AMOTL1: variants seen among roughly 807,000 people sequenced by gnomAD.
The protein encoded by AMOTL1 is angiomotin-like protein 1.
A neutral mutation model predicts 102.9 loss-of-function variants in AMOTL1; 45 were observed. The ratio of observed to expected loss-of-function variants is 0.44; its 90% CI spans 0.34 to 0.56. The LOEUF is 0.56. Ranked by LOEUF, AMOTL1 falls within the 20% of genes least tolerant of loss-of-function variation. The pLI is 0.01. For missense variants in AMOTL1, 1,114 were observed against 1,225.6 expected (o/e 0.91, Z 1.36); for synonymous variants, 481 against 484.7 (o/e 0.99, Z 0.10).
At position 94,866,106 on chromosome 11, in the gene AMOTL1, C is replaced by T. The variant is rs752636370; in HGVS notation, c.2426C>T (p.Ser809Phe). The change falls in exon 11 of 13, where the codon TCT (serine) becomes TTT (phenylalanine). Residue 809 changes from serine (S) to phenylalanine (F), a missense_variant. By Grantham distance (155) the Ser-to-Phe change is radical. Coordinates refer to ENST00000433060, the MANE Select transcript of AMOTL1 (RefSeq NM_130847.3). ...ACTGGGACACACTCTCGCCAGACCT[C>T]TCTTACCAGCAGCCAGCTGGCTGAG... ...AATGTHSRQT[S>F]LTSSQLAEEK... is the part of the protein sequence containing the mutation. 1.9e-6 allele frequency: 3 copies of T among 1,614,014 alleles called. No homozygotes were observed. The highest frequency in any genetic ancestry group is 2.2e-5 in the South Asian group (2 of 91,080).
At chr11:94,838,162 C>T (rs953940941) in intron 6 of AMOTL1, among the ~76,000 whole-genome samples, 2 of 152,160 alleles carry the variant, frequency 1.3e-5, no homozygotes, top group African/African-American at 4.8e-5. Context: ...TTTGGATAAT[C>T]CTTTTCTATC....
At chr11:94,770,946 G>A (rs1317341499) in intron 1 of AMOTL1, among the ~76,000 whole-genome samples, 1 of 152,154 alleles carries the variant, frequency 6.6e-6, no homozygotes, top group Non-Finnish European at 1.5e-5. Context: ...CCAGGGCCTA[G>A]GGAAAAGATG....
At chr11:94,719,895 A>C (rs916849283) in intron 1 of AMOTL1, among the ~76,000 whole-genome samples, 1 of 152,098 alleles carries the variant, frequency 6.6e-6, no homozygotes, top group Non-Finnish European at 1.5e-5. Context: ...GATTTTTAAG[A>C]AATACGGGCA....
chr11:94,795,261 G>T, intron 2 of AMOTL1, 101 bp downstream of exon 2: 1 of 1,409,282 alleles, frequency 7.1e-7, no homozygotes, highest in Non-Finnish European at 9.7e-7. Context: ...CTCTAATCTT[G>T]TTTTTTAAAT....
chr11:94,874,051 G>A lies in AMOTL1; in HGVS notation c.*3256G>A, dbSNP rs1042381533. 2.6e-5 allele frequency: 4 copies of A among 152,194 alleles called. No individual in the cohort carries two copies. The highest frequency in any genetic ancestry group is 4.8e-5 in the African/African-American group (2 of 41,430). 9.4% of individuals were successfully genotyped at this position (152,194 alleles called of 1,614,324 possible). On this transcript the variant is annotated 3_prime_UTR_variant, in exon 13 of 13. Coordinates refer to ENST00000433060, the MANE Select transcript of AMOTL1 (RefSeq NM_130847.3). The stretch of plus-strand genomic sequence containing the variant: ...TGAAGGGGAGAGGCCCTGGCTTCAC[G>A]GGAAGGTATTCCAGCATTGTTCTGC...
At chr11:94,845,437 A>G (rs555059392) in intron 6 of AMOTL1, among the ~76,000 whole-genome samples, 30 of 152,354 alleles carry the variant, frequency 2.0e-4, no homozygotes, top group African/African-American at 6.5e-4. Context: ...AATGGGGCTT[A>G]TGTGAGGATT....
intron 1 of AMOTL1, among the ~76,000 whole-genome samples, chr11:94,725,836 T>TA (rs765298512): frequency 6.6e-6 from 1 of 152,184 alleles, no homozygotes; most frequent in Non-Finnish European, 1.5e-5. Flanking sequence ...CCATGTTAAA[T>TA]AGTCCAGACT....
At chr11:94,780,531 C>T (rs1340822486) in intron 1 of AMOTL1, among the ~76,000 whole-genome samples, 1 of 152,212 alleles carries the variant, frequency 6.6e-6, no homozygotes, top group Non-Finnish European at 1.5e-5. Flanking sequence ...AAGCTTTCAT[C>T]TCTTATCTGC....
intron 3 of AMOTL1, among the ~76,000 whole-genome samples, chr11:94,817,558 T>C (rs1951786628): frequency 1.3e-5 from 2 of 152,230 alleles, no homozygotes; most frequent in South Asian, 4.1e-4. Flanking sequence ...TATATCTTAG[T>C]AAATGTTATC....
At chr11:94,718,061 A>G (rs1430318917) in intron 1 of AMOTL1, among the ~76,000 whole-genome samples, 1 of 151,964 alleles carries the variant, frequency 6.6e-6, no homozygotes, top group East Asian at 1.9e-4. Flanking sequence ...TATGCTTCAT[A>G]CTCTCAAGCT....
intron 10 of AMOTL1, among the ~76,000 whole-genome samples, chr11:94,865,442 T>C (rs1346874247): frequency 6.6e-6 from 1 of 152,212 alleles, no homozygotes; most frequent in Non-Finnish European, 1.5e-5. Flanking sequence ...ATAGATAGGC[T>C]CAGTGAGTTA....
intron 6 of AMOTL1, among the ~76,000 whole-genome samples, chr11:94,849,823 A>C (rs1312879926): frequency 6.6e-6 from 1 of 152,180 alleles, no homozygotes; most frequent in African/African-American, 2.4e-5. Flanking sequence ...GATTGATTTG[A>C]AGTATGAAAG....
rs186891388 is a variant in AMOTL1 at position 94,813,249 on chromosome 11, G to A, written c.1122-8281G>A. On this transcript the variant is annotated intron_variant, in intron 3 of 12. Coordinates refer to ENST00000433060, the MANE Select transcript of AMOTL1 (RefSeq NM_130847.3). Reference sequence around the variant, plus strand: ...ACTTCAGCCCTCCCTACATGGATACGCAGACCTTCATAGAGATGGCCTCAG... The same window carrying A: ...ACTTCAGCCCTCCCTACATGGATACACAGACCTTCATAGAGATGGCCTCAG... Among the ~76,000 whole-genome samples, 284 of 152,212 alleles carry A rather than the reference G, an allele frequency of 1.9e-3. 2 individuals are homozygous for A. The highest frequency in any genetic ancestry group is 6.3e-3 in the African/African-American group (261 of 41,530).
chr11:94,760,866 A>G (rs1417783301), intron 3 of AMOTL1, among the ~76,000 whole-genome samples: 1 of 152,202 alleles, frequency 6.6e-6, no homozygotes, highest in Non-Finnish European at 1.5e-5. Context: ...TCTGTCATCC[A>G]GGCTGGAGTG....
chr11:94,866,044 A>C lies in AMOTL1; in HGVS notation c.2364A>C (p.Leu788=), dbSNP rs774813267. The change falls in exon 11 of 13, where the codon CTA becomes CTC. Residue 788 remains leucine (L), a synonymous_variant. Coordinates refer to ENST00000433060, the MANE Select transcript of AMOTL1 (RefSeq NM_130847.3). ...CCGGGAAGACAGACTCCTCCAGCCT[A>C]CGTCCTGCCCGCTCCGTTCCATCCA... ...KDAGKTDSSS[L]RPARSVPSIA... The C allele has an allele frequency of 2.7e-5, 43 of 1,613,966 alleles. No homozygotes were observed. The East Asian group carries it at 9.4e-4, about 35-fold the overall frequency.
intron 8 of AMOTL1, among the ~76,000 whole-genome samples, chr11:94,854,908 T>G (rs1421511582): frequency 3.9e-5 from 6 of 152,196 alleles, no homozygotes; most frequent in Admixed American, 1.3e-4. Flanking sequence ...CCTGTCCTTC[T>G]CTGCTGGTAA....
chr11:94,787,637 G>A (rs1479219391), intron 1 of AMOTL1, among the ~76,000 whole-genome samples: 5 of 138,710 alleles, frequency 3.6e-5, no homozygotes, highest in Non-Finnish European at 6.0e-5. Context: ...GCAGTGAGTC[G>A]AGATCGCGCC....
chr11:94,789,799 G>T (rs1214954543), intron 1 of AMOTL1, among the ~76,000 whole-genome samples: 1 of 152,230 alleles, frequency 6.6e-6, no homozygotes, highest in Non-Finnish European at 1.5e-5. Context: ...TGAAAGGTAA[G>T]ATAGAAGCCA....
At chr11:94,855,871 G>A (rs551754777) in intron 8 of AMOTL1, among the ~76,000 whole-genome samples, 28 of 152,186 alleles carry the variant, frequency 1.8e-4, no homozygotes, top group Non-Finnish European at 4.0e-4. Context: ...GCTGAGGAGT[G>A]CCAGTAGGGG....
Sources: gnomAD v4.1 joint callset for allele counts (sites outside exome capture counted in the v4.1 genomes callset) on GRCh38, gnomAD v4.1.1 for gene constraint, MANE v1.5 for transcripts, NCBI Gene and HGNC (gene_info 2026-07-23, HGNC 2026-07-21) for gene names.